Variants in FFAR4 observed in about 807,000 individuals in gnomAD.
FFAR4 encodes G-protein coupled receptor 120.
Under a neutral mutation model 27.0 loss-of-function variants are expected in FFAR4, and 19 were observed. The ratio of observed to expected loss-of-function variants is 0.70; its 90% CI spans 0.49 to 1.03. FFAR4 has a LOEUF of 1.03. Ranked by LOEUF, FFAR4 falls within the 50% of genes least tolerant of loss-of-function variation. The probability of loss-of-function intolerance (pLI) is 0.00; values close to 1 mark genes in which losing one functional copy is unlikely to be tolerated. For synonymous variants in FFAR4, 254 were observed against 215.6 expected (o/e 1.18, Z -1.56); for missense variants, 476 against 479.0 (o/e 0.99, Z 0.06).
At position 93,583,173 on chromosome 10, in the gene FFAR4, C is replaced by T. The variant is rs535381800; in HGVS notation, c.697-4047C>T. ...ATCCTAGCACTTTGGGAGGCCAAGGCGGGTGGATCACGAGGTCAGGAGTTC... is the reference window on the plus strand; with the variant it reads ...ATCCTAGCACTTTGGGAGGCCAAGGTGGGTGGATCACGAGGTCAGGAGTTC... On this transcript the variant is annotated intron_variant, in intron 2 of 2. Transcript: ENST00000371481. Among the ~76,000 whole-genome samples, 826 of 147,072 alleles carry T rather than the reference C, an allele frequency of 5.6e-3. 12 individuals are homozygous for T. The highest frequency in any genetic ancestry group is 0.019 in the African/African-American group (772 of 39,856).
intron 1 of FFAR4, among the ~76,000 whole-genome samples, chr10:93,568,870 G>T (rs1393263585): frequency 2.0e-5 from 3 of 152,170 alleles, no homozygotes; most frequent in Non-Finnish European, 4.4e-5. Context: ...CAAGCCTGTG[G>T]CACTTGATCA....
Position 93,567,114 on chromosome 10 carries a change from G to T in FFAR4, c.394G>T (p.Val132Phe), listed in dbSNP as rs1294051227. ...CGTCACCATCCTCACGCTGGCCGCG[G>T]TCAGCCTGGAGCGCATGGTGTGCAT... ...GSVTILTLAA[V>F]SLERMVCIVH... The change falls in exon 1 of 3, where the codon GTC becomes TTC. Residue 132 changes from valine to phenylalanine, a missense_variant. By Grantham distance (50) the Val-to-Phe change is conservative. Coordinates refer to ENST00000371481, the MANE Select transcript of FFAR4 (RefSeq NM_001195755.2). The T allele has an allele frequency of 1.7e-5, 28 of 1,608,688 alleles. No individual in the cohort carries two copies. The Admixed American group carries it at 4.7e-4, about 27-fold the overall frequency.
chr10:93,568,351 T>C (rs528258995), intron 1 of FFAR4, among the ~76,000 whole-genome samples: 16 of 152,292 alleles, frequency 1.1e-4, no homozygotes, highest in African/African-American at 3.1e-4. Flanking sequence ...TCCAGGAGCT[T>C]CTGCCCGTGG....
intron 2 of FFAR4, among the ~76,000 whole-genome samples, chr10:93,582,612 G>A (rs2058204772): frequency 6.6e-6 from 1 of 151,068 alleles, no homozygotes; most frequent in African/African-American, 2.4e-5. Flanking sequence ...CACTTTGTCT[G>A]TCACCCGCAG....
chr10:93,582,973 G>A (rs934833992), intron 2 of FFAR4, among the ~76,000 whole-genome samples: 13 of 152,090 alleles, frequency 8.5e-5, no homozygotes, highest in African/African-American at 1.2e-4. Flanking sequence ...CAAGAACAGC[G>A]TGGGGGAAAC....
chr10:93,579,806 A>G (rs2134550659), intron 2 of FFAR4, among the ~76,000 whole-genome samples: 1 of 152,336 alleles, frequency 6.6e-6, no homozygotes, highest in East Asian at 1.9e-4. Flanking sequence ...AAAGAGTCCT[A>G]AGACAGAAGT....
intron 1 of FFAR4, among the ~76,000 whole-genome samples, chr10:93,575,766 G>A (rs532499278): frequency 2.0e-5 from 3 of 152,292 alleles, no homozygotes; most frequent in Admixed American, 6.5e-5. Context: ...GAGAAGGCTC[G>A]AAAGCCCTTT....
Position 93,567,080 on chromosome 10 carries a change from G to T in FFAR4, c.360G>T (p.Leu120=). 6.2e-7 allele frequency: 1 copy of T among 1,610,352 alleles called. No individual in the cohort carries two copies. ...ACHLLFYVMT[L]SGSVTILTLA... ...ACCTGCTCTTCTACGTGATGACCCT[G>T]AGCGGCAGCGTCACCATCCTCACGC... The change falls in exon 1 of 3, where the codon CTG becomes CTT. Residue 120 remains leucine, a synonymous_variant. Transcript: ENST00000371481.
intron 2 of FFAR4, among the ~76,000 whole-genome samples, chr10:93,579,364 T>G (rs948642954): frequency 2.0e-5 from 3 of 152,196 alleles, no homozygotes; most frequent in African/African-American, 7.2e-5. Context: ...GAGGCTGTAC[T>G]GCGCACTGGC....
intron 2 of FFAR4, among the ~76,000 whole-genome samples, chr10:93,584,137 G>A (rs2058214501): frequency 6.6e-6 from 1 of 152,162 alleles, no homozygotes; most frequent in South Asian, 2.1e-4. Context: ...GATTAACCAG[G>A]TTTCACCGGA....
chr10:93,584,524 G>A (rs2058216422), intron 2 of FFAR4, among the ~76,000 whole-genome samples: 1 of 152,182 alleles, frequency 6.6e-6, no homozygotes, highest in Non-Finnish European at 1.5e-5. Context: ...TAAATGTGCG[G>A]CACAGTGCCG....
intron 1 of FFAR4, among the ~76,000 whole-genome samples, chr10:93,571,773 A>G: frequency 6.6e-6 from 1 of 152,242 alleles, no homozygotes; most frequent in East Asian, 1.9e-4. Flanking sequence ...AGAAGATGAA[A>G]TATCCAACTA....
Position 93,566,729 on chromosome 10 carries a change from T to C in FFAR4, c.9T>C (p.Pro3=). MS[P]ECARAAGDAP... ...GCCGCCAGGCGCCGGGAATGTCCCC[T>C]GAATGCGCGCGGGCAGCGGGCGACG... Residue 3 remains proline (P), a synonymous_variant, in exon 1 of 3, where the codon CCT becomes CCC. Coordinates refer to ENST00000371481, the MANE Select transcript of FFAR4 (RefSeq NM_001195755.2). 6.3e-7 allele frequency: 1 copy of C among 1,593,388 alleles called. No homozygotes were observed. Among genetic ancestry groups the C allele is most frequent in the Middle Eastern group, 1.7e-4 (1 of 6,016 alleles).
At position 93,587,579 on chromosome 10, in the gene FFAR4, A is replaced by C; in HGVS notation, c.1056A>C (p.Lys352Asn). Residue 352 changes from lysine (K) to asparagine (N), a missense_variant, in exon 3 of 3, where the codon AAA becomes AAC. Lys to Asn is a moderately conservative substitution (Grantham distance 94). Transcript: ENST00000371481. The part of the protein sequence containing the change: ...KGAILTDTSV[K>N]RNDLSIISG ...CCATTTTAACAGACACATCTGTCAAAAGAAATGACTTGTCGATTATTTCTG... is the reference window on the plus strand; with the variant it reads ...CCATTTTAACAGACACATCTGTCAACAGAAATGACTTGTCGATTATTTCTG... 1 of 1,613,526 alleles carries C rather than the reference A, an allele frequency of 6.2e-7. No homozygotes were observed.
intron 2 of FFAR4, chr10:93,579,148 C>A: frequency 6.2e-7 from 1 of 1,613,772 alleles, no homozygotes; most frequent in Non-Finnish European, 8.5e-7. Flanking sequence ...CTTCACTTCT[C>A]CCCATTACAG....
chr10:93,585,170 C>T (rs915885861), intron 2 of FFAR4, among the ~76,000 whole-genome samples: 1 of 152,158 alleles, frequency 6.6e-6, no homozygotes, highest in Non-Finnish European at 1.5e-5. Flanking sequence ...AGTCCAGAAT[C>T]CCCTTCTAAG....
At chr10:93,574,416 A>G (rs1417176766) in intron 1 of FFAR4, among the ~76,000 whole-genome samples, 2 of 152,192 alleles carry the variant, frequency 1.3e-5, no homozygotes, top group African/African-American at 4.8e-5. Context: ...AGTCACATTC[A>G]GGGCTGGAAT....
At chr10:93,572,411 C>A (rs924357180) in intron 1 of FFAR4, among the ~76,000 whole-genome samples, 1 of 152,130 alleles carries the variant, frequency 6.6e-6, no homozygotes, top group Admixed American at 6.5e-5. Context: ...GGGTTCTCCA[C>A]CACACATGTG....
At position 93,587,808 on chromosome 10, in the gene FFAR4, A is replaced by G; in HGVS notation, c.*199A>G. ...CCCTTTATAAAAGGATTTGTTGGCC[A>G]GGTGCAGTGGTTCATGCCTGTAATC... On this transcript the variant is annotated 3_prime_UTR_variant, in exon 3 of 3. Transcript: ENST00000371481. 1.8e-6 allele frequency: 1 copy of G among 556,204 alleles called. No homozygotes were observed. Among genetic ancestry groups the G allele is most frequent in the Non-Finnish European group, 3.1e-6 (1 of 320,408 alleles). 34.5% of individuals were successfully genotyped at this position (556,204 alleles called of 1,614,324 possible).
Sources: gnomAD v4.1 joint callset for allele counts (sites outside exome capture counted in the v4.1 genomes callset) on GRCh38, gnomAD v4.1.1 for gene constraint, MANE v1.5 for transcripts, NCBI Gene and HGNC (gene_info 2026-07-23, HGNC 2026-07-21) for gene names.